The following RAI14 variants were observed in gnomAD, a reference collection of about 807,000 sequenced individuals.
RAI14 encodes ankycorbin.
RAI14 carries 45 observed loss-of-function variants against 115.4 expected under a neutral mutation model. The ratio of observed to expected loss-of-function variants is 0.39; its 90% confidence interval spans 0.31 to 0.50. The LOEUF is 0.50. Ranked by LOEUF, RAI14 falls within the 20% of genes least tolerant of loss-of-function variation. The pLI is 0.85. For missense variants in RAI14, 939 were observed against 1,131.2 expected (o/e 0.83, Z 2.44); for synonymous variants, 371 against 415.4 (o/e 0.89, Z 1.30).
chr5:34,815,295 C>G (rs2150272907), intron 12 of RAI14, among the ~76,000 whole-genome samples: 1 of 151,924 alleles, frequency 6.6e-6, no homozygotes, highest in African/African-American at 2.4e-5. Flanking sequence ...GCAGGAGAAT[C>G]ACTTACACCC....
At position 34,693,465 on chromosome 5, in the gene RAI14, A is replaced by C. The variant is rs569106692; in HGVS notation, c.36+6510A>C. Reference sequence around the variant, plus strand: ...ACGTATGGATGGCTGACCTTCTATTACAGGAATAAGGAGTTCTCATGTACT... The same window carrying C: ...ACGTATGGATGGCTGACCTTCTATTCCAGGAATAAGGAGTTCTCATGTACT... On this transcript the variant is annotated intron_variant, in intron 2 of 17. Coordinates refer to ENST00000265109, the MANE Select transcript of RAI14 (RefSeq NM_015577.3). Among the ~76,000 whole-genome samples the C allele has an allele frequency of 7.2e-5, 11 of 152,342 alleles. No homozygotes were observed. The South Asian group carries it at 2.3e-3, about 32-fold the overall frequency.
At chr5:34,723,738 C>T (rs1221982356) in intron 2 of RAI14, among the ~76,000 whole-genome samples, 2 of 152,170 alleles carry the variant, frequency 1.3e-5, no homozygotes, top group Non-Finnish European at 2.9e-5. Flanking sequence ...ACATGTATAA[C>T]ATCACTTAAT....
At chr5:34,764,555 C>T (rs1433229788) in intron 3 of RAI14, among the ~76,000 whole-genome samples, 1 of 151,894 alleles carries the variant, frequency 6.6e-6, no homozygotes, top group African/African-American at 2.4e-5. Context: ...CTCTCTCTCT[C>T]TCTCTCTCTC....
chr5:34,751,741 A>ATACAC (rs754290471), intron 2 of RAI14, among the ~76,000 whole-genome samples: 4 of 152,294 alleles, frequency 2.6e-5, no homozygotes, highest in Non-Finnish European at 4.4e-5. Flanking sequence ...TTGACATTCT[A>ATACAC]ATGCATGTCT....
rs758271652 is a variant in RAI14 at position 34,803,709 on chromosome 5, T to C, written c.257-3T>C. 7.5e-6 allele frequency: 12 copies of C among 1,606,426 alleles called. No homozygotes were observed. Among genetic ancestry groups the C allele is most frequent in the Non-Finnish European group, 9.4e-6 (11 of 1,176,148 alleles). Reference sequence around the variant, plus strand: ...AAATTATTATTTGAAAAAATCCATTTAGGACACAGCGCCTTACATCTCGCA... The same window carrying C: ...AAATTATTATTTGAAAAAATCCATTCAGGACACAGCGCCTTACATCTCGCA... On this transcript the variant is annotated splice_region_variant and splice_polypyrimidine_tract_variant and intron_variant, in intron 4 of 17. Transcript: ENST00000265109.
intron 2 of RAI14, among the ~76,000 whole-genome samples, chr5:34,731,086 A>G (rs948735465): frequency 1.3e-5 from 2 of 152,240 alleles, no homozygotes; most frequent in African/African-American, 4.8e-5. Flanking sequence ...AAAGCAGGAC[A>G]AAAATCAGTT....
intron 1 of RAI14, among the ~76,000 whole-genome samples, chr5:34,677,524 A>G (rs541612870): frequency 9.9e-5 from 15 of 151,600 alleles, no homozygotes; most frequent in East Asian, 7.8e-4. Context: ...AGCTCCCTGT[A>G]GCCTCAAACT....
chr5:34,823,578 T>C lies in RAI14; in HGVS notation c.1736T>C (p.Met579Thr), dbSNP rs774612789. Residue 579 changes from methionine to threonine, a missense_variant, in exon 15 of 18, where the codon ATG (methionine) becomes ACG (threonine). Physicochemically the swap from Met to Thr is moderately conservative, Grantham distance 81. Transcript: ENST00000265109. This position sits in a 1 kb window ranked among gnomAD's most constrained non-coding sequence, Gnocchi z 4.5. ...CCACCTGTGGAAGAGTACGAGGAAA[T>C]GAAAAGTTCATATTGCTCTGTTATT... ...IKPPVEEYEE[M>T]KSSYCSVIEN... The C allele has an allele frequency of 5.9e-5, 96 of 1,613,968 alleles. 1 individual carries two copies. The East Asian group carries it at 2.1e-3, about 35-fold the overall frequency.
At position 34,783,469 on chromosome 5, in the gene RAI14, C is replaced by T. The variant is rs529122322; in HGVS notation, c.168-12470C>T. ...CTGGCCTGGAGAAACACAAGCATAACCTCTACCCCAAGTTATTATTTTACC... is the reference window on the plus strand; with the variant it reads ...CTGGCCTGGAGAAACACAAGCATAATCTCTACCCCAAGTTATTATTTTACC... On this transcript the variant is annotated intron_variant, in intron 3 of 17. Coordinates refer to ENST00000265109, the MANE Select transcript of RAI14 (RefSeq NM_015577.3). Among the ~76,000 whole-genome samples, 5 of 152,282 alleles carry T rather than the reference C, an allele frequency of 3.3e-5. No homozygotes were observed. The South Asian group carries it at 1.0e-3, about 32-fold the overall frequency.
chr5:34,786,710 C>T (rs34095278), intron 3 of RAI14, among the ~76,000 whole-genome samples: 33,569 of 151,988 alleles, frequency 0.22, 5,034 homozygotes, highest in Non-Finnish European at 0.31. Flanking sequence ...GGCGACCCTT[C>T]GACCTGGGTT....
intron 3 of RAI14, among the ~76,000 whole-genome samples, chr5:34,788,153 A>G (rs1752538326): frequency 6.6e-6 from 1 of 151,936 alleles, no homozygotes; most frequent in Non-Finnish European, 1.5e-5. Flanking sequence ...TCCTGGGCTC[A>G]AGCAATCTGC....
chr5:34,805,041 C>A (rs752352632), intron 5 of RAI14, among the ~76,000 whole-genome samples: 3 of 152,198 alleles, frequency 2.0e-5, no homozygotes, highest in Non-Finnish European at 2.9e-5. Flanking sequence ...TCTGGTTATG[C>A]AAATGGATTG....
chr5:34,826,451 A>T lies in RAI14; in HGVS notation c.2771A>T (p.Gln924Leu), dbSNP rs1288401848. The change falls in exon 16 of 18, where the codon CAA (glutamine) becomes CTA (leucine). Residue 924 changes from glutamine (Q) to leucine (L), a missense_variant. Transcript: ENST00000265109. ...QSQQLEALQQ[Q>L]VKQLQNQLAE... is the part of the protein sequence containing the mutation. ...CAGCAGCTGGAGGCGCTGCAGCAGC[A>T]AGTCAAACAGCTCCAGAACCAGCTG... 1.4e-5 allele frequency: 22 copies of T among 1,613,862 alleles called. 1 individual carries two copies. Among genetic ancestry groups the T allele is most frequent in the Middle Eastern group, 1.6e-4 (1 of 6,080 alleles).
intron 12 of RAI14, among the ~76,000 whole-genome samples, chr5:34,816,715 A>G (rs182345720): frequency 6.6e-6 from 1 of 152,244 alleles, no homozygotes; most frequent in Admixed American, 6.5e-5. Flanking sequence ...CTATCAACCT[A>G]TCATTTCCCT....
intron 3 of RAI14, among the ~76,000 whole-genome samples, chr5:34,758,400 T>C (rs1222882447): frequency 6.6e-6 from 1 of 152,236 alleles, no homozygotes; most frequent in Non-Finnish European, 1.5e-5. Context: ...TATTGTGTAA[T>C]TACTGTGAAA....
chr5:34,762,711 G>A (rs1437139529), intron 3 of RAI14, among the ~76,000 whole-genome samples: 1 of 152,130 alleles, frequency 6.6e-6, no homozygotes, highest in Non-Finnish European at 1.5e-5. Context: ...TTTCCATGGT[G>A]GATGTGAGGA....
chr5:34,809,954 A>G (rs1223491464), intron 7 of RAI14, among the ~76,000 whole-genome samples: 2 of 152,186 alleles, frequency 1.3e-5, no homozygotes, highest in African/African-American at 2.4e-5. Context: ...TTGCAGCATG[A>G]GAACTGACAT....
At chr5:34,822,196 T>C (rs1475099042) in intron 14 of RAI14, among the ~76,000 whole-genome samples, 1 of 147,118 alleles carries the variant, frequency 6.8e-6, no homozygotes, top group Non-Finnish European at 1.5e-5. Context: ...TTTTATATTT[T>C]GATTTTATAT....
chr5:34,685,832 A>G (rs1744807994), intron 1 of RAI14: 5 of 152,218 alleles, frequency 3.3e-5, no homozygotes, highest in Admixed American at 2.6e-4. Flanking sequence ...TATACTTGCT[A>G]AAAGATAATT....
Sources: allele counts gnomAD v4.1 joint callset (sites outside exome capture counted in the v4.1 genomes callset), GRCh38; gene constraint gnomAD v4.1.1; non-coding constraint Gnocchi (gnomAD v3.1); transcripts MANE v1.5; gene names NCBI Gene and HGNC (gene_info 2026-07-23, HGNC 2026-07-21).